The following HYCC2 variants were observed in gnomAD, a reference collection of about 807,000 sequenced individuals.
The protein encoded by HYCC2 is hyccin PI4KA lipid kinase complex subunit 2.
chr2:201,016,920 A>G, the HYCC2 span: 5 of 1,469,128 alleles, frequency 3.4e-6, no homozygotes, highest in Non-Finnish European at 4.7e-6. Flanking sequence ...TTCTCTAAAC[A>G]TTCCTTAAGT....
At chr2:201,047,184 A>G in the HYCC2 span, among the ~76,000 whole-genome samples, 1 of 152,186 alleles carries the variant, frequency 6.6e-6, no homozygotes, top group Non-Finnish European at 1.5e-5. Flanking sequence ...GAGCCCTCTC[A>G]GTGCAGCCGG....
the HYCC2 span, among the ~76,000 whole-genome samples, chr2:201,032,253 C>T: frequency 2.0e-4 from 31 of 152,226 alleles, no homozygotes; most frequent in South Asian, 2.7e-3. Flanking sequence ...TCAGCCACCA[C>T]GCCCAGCCTA....
At chr2:201,033,324 C>G in the HYCC2 span, among the ~76,000 whole-genome samples, 21 of 151,918 alleles carry the variant, frequency 1.4e-4, no homozygotes, top group South Asian at 4.4e-3. Context: ...CACACCTCAG[C>G]CCCCTAAGTA....
the HYCC2 span, among the ~76,000 whole-genome samples, chr2:201,039,815 T>A: frequency 1.3e-5 from 2 of 152,174 alleles, no homozygotes; most frequent in Non-Finnish European, 2.9e-5. Flanking sequence ...GCTGAAAAGT[T>A]TCTTCAGACA....
chr2:201,015,709 T>C, the HYCC2 span, among the ~76,000 whole-genome samples: 1 of 152,226 alleles, frequency 6.6e-6, no homozygotes, highest in East Asian at 1.9e-4. Context: ...AAAAAGATTC[T>C]CCAAAACTGA....
At chr2:201,021,945 G>A in the HYCC2 span, 631 of 501,526 alleles carry the variant, frequency 1.3e-3, 1 homozygote, top group African/African-American at 0.011. Context: ...GTCTAACTGA[G>A]AGCCAGTCAC....
the HYCC2 span, among the ~76,000 whole-genome samples, chr2:201,012,451 C>T: frequency 6.6e-6 from 1 of 151,940 alleles, no homozygotes; most frequent in African/African-American, 2.4e-5. Flanking sequence ...CAGAGTGACA[C>T]CCTGTCTCAA....
the HYCC2 span, chr2:201,061,335 G>A: frequency 6.6e-6 from 1 of 152,226 alleles, no homozygotes; most frequent in Non-Finnish European, 1.5e-5. Context: ...GGGAGGCTGA[G>A]GCAGAAGAAT....
chr2:201,064,112 A>T, the HYCC2 span: 1 of 1,380,164 alleles, frequency 7.2e-7, no homozygotes. Context: ...GCTACAGGTT[A>T]CAACAGATTT....
chr2:201,005,320 AAT>A, the HYCC2 span, among the ~76,000 whole-genome samples: 1 of 152,240 alleles, frequency 6.6e-6, no homozygotes, highest in East Asian at 1.9e-4. Flanking sequence ...ATGATGCTGG[AAT>A]AGTCATCATT....
the HYCC2 span, among the ~76,000 whole-genome samples, chr2:201,030,003 C>G: frequency 6.6e-6 from 1 of 152,158 alleles, no homozygotes; most frequent in Non-Finnish European, 1.5e-5. Flanking sequence ...GGGAAGAACG[C>G]TTGATCTCAA....
chr2:200,987,954 T>C, the HYCC2 span, among the ~76,000 whole-genome samples: 1 of 151,520 alleles, frequency 6.6e-6, no homozygotes, highest in Non-Finnish European at 1.5e-5. Context: ...TATGTGCACC[T>C]TTTTTTTTCC....
the HYCC2 span, among the ~76,000 whole-genome samples, chr2:201,035,424 C>T: frequency 6.6e-6 from 1 of 152,146 alleles, no homozygotes; most frequent in South Asian, 2.1e-4. Context: ...TTCGTCACGT[C>T]GTTCTCGTGC....
the HYCC2 span, among the ~76,000 whole-genome samples, chr2:201,013,670 C>G: frequency 3.3e-3 from 508 of 152,206 alleles, 1 homozygote; most frequent in African/African-American, 0.011. Flanking sequence ...GAGGGTATAA[C>G]TTCTTTGTAG....
chr2:201,037,447 C>A, the HYCC2 span, among the ~76,000 whole-genome samples: 2 of 152,200 alleles, frequency 1.3e-5, no homozygotes, highest in Admixed American at 1.3e-4. Context: ...AATCCTAAGC[C>A]AAAAGAACAA....
At chr2:201,022,788 T>G in the HYCC2 span, 1 of 1,255,776 alleles carries the variant, frequency 8.0e-7, no homozygotes, top group East Asian at 2.4e-5. Context: ...GTATACATAT[T>G]TCATTTCACT....
At chr2:200,986,490 C>G in the HYCC2 span, among the ~76,000 whole-genome samples, 1 of 152,018 alleles carries the variant, frequency 6.6e-6, no homozygotes, top group Non-Finnish European at 1.5e-5. Context: ...TTTTACAAAG[C>G]TAAAAATTCC....
chr2:201,009,115 C>A, the HYCC2 span: 2 of 1,316,772 alleles, frequency 1.5e-6, no homozygotes, highest in African/African-American at 1.4e-5. Context: ...CAGTATGAGA[C>A]AATGTCTCTA....
chr2:201,037,792 G>GA, the HYCC2 span, among the ~76,000 whole-genome samples: 1 of 152,028 alleles, frequency 6.6e-6, no homozygotes, highest in African/African-American at 2.4e-5. Flanking sequence ...AAAAACCCTA[G>GA]AAGAAAACCT....
Sources: gnomAD v4.1 joint callset for allele counts (sites outside exome capture counted in the v4.1 genomes callset) on GRCh38, gnomAD v4.1.1 for gene constraint, MANE v1.5 for transcripts, NCBI Gene and HGNC (gene_info 2026-07-23, HGNC 2026-07-21) for gene names.